The following LMLN variants were observed in gnomAD, a reference collection of about 807,000 sequenced individuals.
The protein encoded by LMLN is leishmanolysin-like peptidase.
Under a neutral mutation model 92.3 loss-of-function variants are expected in LMLN, and 70 were observed. The observed-to-expected ratio is 0.76, with a 90% confidence interval of 0.63 to 0.92. The LOEUF (loss-of-function observed/expected upper bound fraction) is 0.92. LMLN is among the 40% of genes least tolerant of loss of function. The probability of loss-of-function intolerance (pLI) is 0.00; values close to 1 mark genes in which losing one functional copy is unlikely to be tolerated. For missense variants in LMLN, 691 were observed against 814.6 expected, an observed-to-expected ratio of 0.85 and a Z score of 1.85; for synonymous variants, 308 against 296.2, an observed-to-expected ratio of 1.04 and a Z score of -0.41.
chr3:197,960,738 T>C (rs922544398), intron 1 of LMLN, among the ~76,000 whole-genome samples: 1 of 152,084 alleles, frequency 6.6e-6, no homozygotes, highest in African/African-American at 2.4e-5. Context: ...ACAACACGGA[T>C]TGCCGCCCTC....
At chr3:197,968,638 C>T (rs1462820466) in intron 1 of LMLN, among the ~76,000 whole-genome samples, 1 of 152,126 alleles carries the variant, frequency 6.6e-6, no homozygotes, top group Non-Finnish European at 1.5e-5. Flanking sequence ...TGTTCCTCTG[C>T]CGCGCCTCCA....
At position 197,996,128 on chromosome 3, in the gene LMLN, G is replaced by A. The variant is rs572016145; in HGVS notation, c.1048-47G>A. 3.6e-5 allele frequency: 37 copies of A among 1,023,780 alleles called. No individual in the cohort carries two copies. The Admixed American group carries it at 4.7e-4, about 13-fold the overall frequency. 63.4% of individuals were successfully genotyped at this position (1,023,780 alleles called of 1,614,324 possible). A position where few individuals can be genotyped will look rare whatever the true frequency, so the allele number is the denominator to read the frequency against. The stretch of plus-strand genomic sequence containing the variant: ...GATGAAAAGTTTGCTGTTATCTTAC[G>A]GTACTTTTGTACCATATTTGTTTCT... On this transcript the variant is annotated intron_variant, in intron 9 of 15. Coordinates refer to ENST00000330198, the Ensembl canonical transcript of LMLN.
chr3:198,035,716 A>C, intron 14 of LMLN, 117 bp from the exon 16 acceptor site: 1 of 838,232 alleles, frequency 1.2e-6, no homozygotes, highest in Non-Finnish European at 1.8e-6. Flanking sequence ...TGTGCTTTAT[A>C]GCCAATGTTT....
chr3:197,971,722 T>G (rs1478582862), intron 1 of LMLN, among the ~76,000 whole-genome samples: 1 of 152,096 alleles, frequency 6.6e-6, no homozygotes, highest in Non-Finnish European at 1.5e-5. Flanking sequence ...GGAGCTGGGA[T>G]TACAGGCATG....
At chr3:197,969,138 A>G (rs78913046) in intron 1 of LMLN, among the ~76,000 whole-genome samples, 10,133 of 151,864 alleles carry the variant, frequency 0.067, 411 homozygotes, top group African/African-American at 0.11. Context: ...TTGAAGTGCA[A>G]TAGCACGATC....
At chr3:197,976,505 AAT>A in intron 4 of LMLN, 91 bp from the exon 5 acceptor site, 1 of 618,102 alleles carries the variant, frequency 1.6e-6, no homozygotes, top group South Asian at 2.6e-5. Flanking sequence ...TTAATGAAGT[AAT>A]ATAGCAGCTA....
At chr3:197,992,204 G>A (rs754627705) in intron 9 of LMLN, among the ~76,000 whole-genome samples, 1 of 151,796 alleles carries the variant, frequency 6.6e-6, no homozygotes, top group African/African-American at 2.4e-5. Context: ...CTGTTTCTCC[G>A]GAGAACCTTG....
Position 197,985,928 on chromosome 3 carries a change from G to A in LMLN, c.929+38G>A, listed in dbSNP as rs776958111. 6.7e-5 allele frequency: 85 copies of A among 1,260,500 alleles called. 1 individual carries two copies. Among genetic ancestry groups the A allele is most frequent in the Non-Finnish European group, 9.3e-6 (8 of 860,880 alleles). 78.1% of individuals were successfully genotyped at this position (1,260,500 alleles called of 1,614,324 possible). On this transcript the variant is annotated intron_variant, in intron 8 of 15. Coordinates refer to ENST00000330198, the Ensembl canonical transcript of LMLN. ...TTGTTGCTCTTGTTCTCCTCTTTTA[G>A]GAGGGTGCTAAGACTAGAATCTGAG...
chr3:197,976,376 A>G (rs1416108342), intron 4 of LMLN: 2 of 485,976 alleles, frequency 4.1e-6, no homozygotes, highest in South Asian at 7.5e-5. Flanking sequence ...TCCCTCTTTC[A>G]TGTGGATACA....
chr3:198,038,313 C>G, intron 15 of LMLN: 1 of 408,488 alleles, frequency 2.4e-6, no homozygotes, highest in Admixed American at 3.8e-5. Flanking sequence ...GGTACTACCC[C>G]AAGGCAATTT....
intron 1 of LMLN, among the ~76,000 whole-genome samples, chr3:197,965,975 T>A (rs1168973652): frequency 6.6e-6 from 1 of 152,198 alleles, no homozygotes; most frequent in Non-Finnish European, 1.5e-5. Context: ...TTCAGTTGCC[T>A]ACATTTACCT....
chr3:197,993,511 C>CA (rs542040487), intron 9 of LMLN, among the ~76,000 whole-genome samples: 9,806 of 148,278 alleles, frequency 0.066, 375 homozygotes, highest in African/African-American at 0.1. Flanking sequence ...CAATAGCTAC[C>CA]AAAAAAAAAA....
intron 1 of LMLN, among the ~76,000 whole-genome samples, chr3:197,962,073 ACAACCCAT>A (rs1720918086): frequency 6.6e-6 from 1 of 152,198 alleles, no homozygotes; most frequent in Non-Finnish European, 1.5e-5. Flanking sequence ...CATAAAGCAT[ACAACCCAT>A]CACAACATAG....
At chr3:198,035,355 C>G (rs1461277103) in intron 14 of LMLN, among the ~76,000 whole-genome samples, 1 of 135,846 alleles carries the variant, frequency 7.4e-6, no homozygotes, top group Non-Finnish European at 1.5e-5. Flanking sequence ...AAATAACCCT[C>G]TTTTGGTTTT....
chr3:198,038,569 C>T, exon 16 of LMLN: 1 of 1,612,194 alleles, frequency 6.2e-7, no homozygotes, highest in African/African-American at 1.3e-5. Flanking sequence ...AACTCTAGAT[C>T]TTTGTTCCTG....
At chr3:198,021,314 A>G (rs2109936551) in intron 12 of LMLN, 132 bp from the exon 14 acceptor site, 1 of 717,852 alleles carries the variant, frequency 1.4e-6, no homozygotes, top group African/African-American at 1.8e-5. Context: ...ATTTGGTGCC[A>G]TTGATGAAGA....
At chr3:197,975,451 A>G (rs995411492) in intron 3 of LMLN, among the ~76,000 whole-genome samples, 7 of 152,200 alleles carry the variant, frequency 4.6e-5, no homozygotes, top group African/African-American at 1.7e-4. Flanking sequence ...ACCACATCAG[A>G]TTTTTAACTG....
In LMLN at chr3:198,038,022, C is replaced by A. The variant is rs182353359; in HGVS notation, c.1868-545C>A. On this transcript the variant is annotated intron_variant, in intron 15 of 15. Coordinates refer to ENST00000330198, the Ensembl canonical transcript of LMLN. Reference sequence around the variant, plus strand: ...CGTTATTGCTGGTCCTGTCCCTTGCCTCCTCACAGTCTGTCTGCCTGTTGT... The same window carrying A: ...CGTTATTGCTGGTCCTGTCCCTTGCATCCTCACAGTCTGTCTGCCTGTTGT... Among the ~76,000 whole-genome samples the A allele has an allele frequency of 3.4e-5, 5 of 147,936 alleles. No individual in the cohort carries two copies. The East Asian group carries it at 9.7e-4, about 29-fold the overall frequency.
chr3:197,963,772 AT>A (rs1299652802), intron 1 of LMLN, among the ~76,000 whole-genome samples: 4 of 152,070 alleles, frequency 2.6e-5, no homozygotes, highest in African/African-American at 9.7e-5. Flanking sequence ...TCATTTATGT[AT>A]TTTTTCCCCC....
Sources: gnomAD v4.1 joint callset for allele counts (sites outside exome capture counted in the v4.1 genomes callset) on GRCh38, gnomAD v4.1.1 for gene constraint, MANE v1.5 for transcripts, NCBI Gene and HGNC (gene_info 2026-07-23, HGNC 2026-07-21) for gene names.